Variants in SPAG16 observed in about 807,000 individuals in gnomAD.
SPAG16 encodes the protein sperm associated antigen 16.
Under a neutral mutation model 80.4 loss-of-function variants are expected in SPAG16, and 86 were observed. The ratio of observed to expected loss-of-function variants is 1.07; its 90% CI spans 0.90 to 1.28. The LOEUF (loss-of-function observed/expected upper bound fraction) is 1.28. Ranked by LOEUF, SPAG16 falls within the 50% of genes most tolerant of loss-of-function variation. SPAG16 has a pLI of 0.00. For missense variants in SPAG16, 870 were observed against 765.3 expected (o/e 1.14, Z -1.61); for synonymous variants, 294 against 265.9 (o/e 1.11, Z -1.03).
chr2:213,565,696 T>C (rs2059737517), intron 10 of SPAG16, among the ~76,000 whole-genome samples: 1 of 152,228 alleles, frequency 6.6e-6, no homozygotes, highest in African/African-American at 2.4e-5. Flanking sequence ...ACAAACTCCC[T>C]GGCTTTCAGT....
chr2:214,351,008 C>G (rs369077287), intron 15 of SPAG16, among the ~76,000 whole-genome samples: 12 of 152,170 alleles, frequency 7.9e-5, no homozygotes, highest in African/African-American at 2.9e-4. Flanking sequence ...AAGCATCCAG[C>G]CTGTTGCAGG....
intron 11 of SPAG16, among the ~76,000 whole-genome samples, chr2:213,926,157 T>C (rs1005757031): frequency 1.3e-5 from 2 of 152,212 alleles, no homozygotes; most frequent in Non-Finnish European, 2.9e-5. Flanking sequence ...GTATCCTTTA[T>C]AATTTTAACC....
intron 9 of SPAG16, among the ~76,000 whole-genome samples, chr2:213,398,779 T>G (rs1414742014): frequency 1.3e-5 from 2 of 152,178 alleles, no homozygotes; most frequent in Non-Finnish European, 2.9e-5. Context: ...ACTCATTGTA[T>G]CACTTCCCAC....
intron 12 of SPAG16, among the ~76,000 whole-genome samples, chr2:213,993,712 A>T (rs1006456533): frequency 3.9e-5 from 6 of 152,240 alleles, no homozygotes; most frequent in Admixed American, 1.3e-4. Context: ...GATAAAGTAT[A>T]GTATAAAGTA....
At chr2:214,266,920 T>C (rs957257642) in intron 15 of SPAG16, among the ~76,000 whole-genome samples, 2 of 151,330 alleles carry the variant, frequency 1.3e-5, no homozygotes, top group Non-Finnish European at 3.0e-5. Context: ...CCATAAAACA[T>C]TGATGAAAAT....
chr2:213,319,683 C>T (rs2063537131), intron 5 of SPAG16, among the ~76,000 whole-genome samples: 1 of 151,882 alleles, frequency 6.6e-6, no homozygotes, highest in African/African-American at 2.4e-5. Context: ...CTTGAGTTTG[C>T]TAATTTTCTT....
chr2:214,121,541 T>C lies in SPAG16; in HGVS notation c.1593+13280T>C, dbSNP rs145959441. Among the ~76,000 whole-genome samples, 1,121 of 151,990 alleles carry C rather than the reference T, an allele frequency of 7.4e-3. 16 individuals are homozygous for C. Among genetic ancestry groups the C allele is most frequent in the African/African-American group, 0.025 (1,048 of 41,546 alleles). The stretch of plus-strand genomic sequence containing the variant: ...CAAATTATTTAGCTCATCTTTAAAA[T>C]GAGTGACAAAAGAACAGAGAATATT... On this transcript the variant is annotated intron_variant, in intron 14 of 15. Transcript: ENST00000331683.
chr2:213,775,730 GTTC>G (rs1307188546), intron 10 of SPAG16, among the ~76,000 whole-genome samples: 2 of 152,146 alleles, frequency 1.3e-5, no homozygotes, highest in Non-Finnish European at 1.5e-5. Context: ...CATAGTATTT[GTTC>G]TTCTTGCAAC....
At chr2:213,366,749 G>A (rs1157491541) in intron 8 of SPAG16, among the ~76,000 whole-genome samples, 2 of 152,080 alleles carry the variant, frequency 1.3e-5, no homozygotes, top group African/African-American at 4.8e-5. Flanking sequence ...ATTGATAGAT[G>A]AATGGATAAG....
intron 10 of SPAG16, among the ~76,000 whole-genome samples, chr2:213,609,905 A>T (rs888207456): frequency 6.6e-6 from 1 of 152,032 alleles, no homozygotes; most frequent in Non-Finnish European, 1.5e-5. Flanking sequence ...CCCTCTGCCT[A>T]TTCATAATCC....
chr2:213,563,586 A>G (rs1192673452), intron 10 of SPAG16, among the ~76,000 whole-genome samples: 1 of 152,210 alleles, frequency 6.6e-6, no homozygotes, highest in East Asian at 1.9e-4. Context: ...TTAAAAGGCC[A>G]CCAATCCTAT....
At chr2:213,484,580 C>A (rs895845175) in intron 9 of SPAG16, among the ~76,000 whole-genome samples, 1 of 152,020 alleles carries the variant, frequency 6.6e-6, no homozygotes, top group African/African-American at 2.4e-5. Context: ...GAAATTAAGA[C>A]AAGGAAAGAA....
chr2:214,128,980 C>T (rs186529224), intron 14 of SPAG16, among the ~76,000 whole-genome samples: 2 of 151,892 alleles, frequency 1.3e-5, no homozygotes. Flanking sequence ...TGAAATTTTT[C>T]ATTCTGTCTG....
chr2:213,655,986 A>G (rs531593345), intron 10 of SPAG16, among the ~76,000 whole-genome samples: 1 of 152,322 alleles, frequency 6.6e-6, no homozygotes, highest in Admixed American at 6.5e-5. Context: ...TTTTGAAACT[A>G]AATGTAGTTA....
chr2:213,366,124 A>C (rs1406691617), intron 8 of SPAG16, among the ~76,000 whole-genome samples: 5 of 143,374 alleles, frequency 3.5e-5, no homozygotes, highest in Non-Finnish European at 6.1e-5. Context: ...CCTGGGCGAC[A>C]GAGCGAGACT....
At chr2:213,800,551 T>G (rs2071333809) in intron 10 of SPAG16, among the ~76,000 whole-genome samples, 1 of 152,098 alleles carries the variant, frequency 6.6e-6, no homozygotes, top group African/African-American at 2.4e-5. Flanking sequence ...TTTTTAAAAA[T>G]TTTTATATGG....
intron 9 of SPAG16, among the ~76,000 whole-genome samples, chr2:213,444,772 G>A (rs1575603499): frequency 6.6e-6 from 1 of 151,924 alleles, no homozygotes; most frequent in East Asian, 1.9e-4. Context: ...AAAATACCCA[G>A]AATAGACAGA....
intron 10 of SPAG16, among the ~76,000 whole-genome samples, chr2:213,602,453 G>A (rs1323165920): frequency 6.6e-6 from 1 of 152,100 alleles, no homozygotes; most frequent in Non-Finnish European, 1.5e-5. Context: ...CCAACATGGT[G>A]GAACCCCGTC....
chr2:213,648,009 TTAAA>T (rs1412535821), intron 10 of SPAG16, among the ~76,000 whole-genome samples: 1 of 152,222 alleles, frequency 6.6e-6, no homozygotes, highest in Admixed American at 6.5e-5. Context: ...GTCTACTCTC[TTAAA>T]TATTCTTTTA....
Sources: gnomAD v4.1 joint callset for allele counts (sites outside exome capture counted in the v4.1 genomes callset) on GRCh38, gnomAD v4.1.1 for gene constraint, MANE v1.5 for transcripts, NCBI Gene and HGNC (gene_info 2026-07-23, HGNC 2026-07-21) for gene names.